The following PTPRE variants were observed in gnomAD, a reference collection of about 807,000 sequenced individuals.
The protein encoded by PTPRE is protein tyrosine phosphatase receptor type E.
In PTPRE, 51 loss-of-function variants were observed where a neutral mutation model predicts 102.0. The ratio of observed to expected loss-of-function variants is 0.50; its 90% confidence interval spans 0.40 to 0.63. PTPRE has a LOEUF of 0.63. Among genes scored for constraint, PTPRE ranks in the 30% least tolerant of loss-of-function variants. The probability of loss-of-function intolerance (pLI) is 0.00; values close to 1 mark genes in which losing one functional copy is unlikely to be tolerated. For synonymous variants in PTPRE, 345 were observed against 348.2 expected (o/e 0.99, Z 0.10); for missense variants, 752 against 915.1 (o/e 0.82, Z 2.30).
intron 2 of PTPRE, among the ~76,000 whole-genome samples, chr10:128,006,035 C>T (rs190328673): frequency 9.5e-4 from 144 of 152,280 alleles, no homozygotes; most frequent in African/African-American, 3.3e-3. Context: ...TAGGGTCCAC[C>T]CTAATCCATG....
At chr10:128,069,654 T>C in intron 12 of PTPRE, 38 bp from the exon 13 acceptor site, 5 of 1,610,824 alleles carry the variant, frequency 3.1e-6, no homozygotes, top group Non-Finnish European at 4.2e-6. Context: ...TCGGGAGGAG[T>C]GTGACTCACG....
intron 18 of PTPRE, 56 bp from the exon 19 acceptor site, chr10:128,077,561 C>T: frequency 1.3e-6 from 2 of 1,555,080 alleles, no homozygotes; most frequent in Non-Finnish European, 1.7e-6. Context: ...GCAGATGGGG[C>T]TGGGGCCTGT....
intron 1 of PTPRE, among the ~76,000 whole-genome samples, chr10:127,958,267 G>A (rs184979794): frequency 2.0e-5 from 3 of 152,252 alleles, no homozygotes; most frequent in Middle Eastern, 3.4e-3. Flanking sequence ...TCCTTGCCTC[G>A]TTCCTGATCT....
At chr10:128,035,741 C>CA (rs1847159947) in intron 2 of PTPRE, among the ~76,000 whole-genome samples, 1 of 152,226 alleles carries the variant, frequency 6.6e-6, no homozygotes, top group African/African-American at 2.4e-5. Flanking sequence ...CTGGAAAGGG[C>CA]ACTTTCGGGT....
intron 1 of PTPRE, among the ~76,000 whole-genome samples, chr10:127,942,295 A>G (rs557887581): frequency 1.7e-4 from 26 of 152,358 alleles, no homozygotes; most frequent in East Asian, 9.6e-4. Context: ...TGTTGAGGAA[A>G]GGTGATCAGA....
At chr10:127,914,762 GC>G (rs1463545777) in intron 1 of PTPRE, among the ~76,000 whole-genome samples, 1 of 152,206 alleles carries the variant, frequency 6.6e-6, no homozygotes, top group African/African-American at 2.4e-5. Flanking sequence ...CAGATGGTGA[GC>G]TTTTATCTTC....
chr10:127,963,546 T>C (rs542666644), intron 1 of PTPRE, among the ~76,000 whole-genome samples: 70 of 152,210 alleles, frequency 4.6e-4, no homozygotes, highest in Non-Finnish European at 8.2e-4. Context: ...CATAGGCGTC[T>C]TTACAGTGTG....
chr10:128,011,569 A>G (rs1258416703), intron 2 of PTPRE, among the ~76,000 whole-genome samples: 1 of 152,234 alleles, frequency 6.6e-6, no homozygotes, highest in Non-Finnish European at 1.5e-5. Context: ...CATGCGCGGA[A>G]GCGTCCCCGT....
In PTPRE at chr10:128,047,779, G is replaced by A; in HGVS notation, c.225G>A (p.Arg75=). The A allele has an allele frequency of 6.2e-7, 1 of 1,609,472 alleles. No homozygotes were observed. Among genetic ancestry groups the A allele is most frequent in the Non-Finnish European group, 8.5e-7 (1 of 1,176,036 alleles). The change falls in exon 5 of 21, where the codon AGG becomes AGA. Residue 75 remains arginine, a synonymous_variant. Coordinates refer to ENST00000254667, the MANE Select transcript of PTPRE (RefSeq NM_006504.6). ...TGTCTCTAAGGTTCAGGAAGCAGAG[G>A]AAAGCTGTGGTCAGCACCAGCGACA... is the stretch of plus-strand genomic sequence containing the variant. ...AAYFFRFRKQ[R]KAVVSTSDKK...
intron 1 of PTPRE, among the ~76,000 whole-genome samples, chr10:127,973,346 A>T (rs1410800148): frequency 6.6e-6 from 1 of 152,236 alleles, no homozygotes; most frequent in Non-Finnish European, 1.5e-5. Context: ...AAATAGAGAC[A>T]TGTAGCTTTT....
At chr10:127,980,005 G>C (rs145719658) in intron 1 of PTPRE, among the ~76,000 whole-genome samples, 1 of 152,118 alleles carries the variant, frequency 6.6e-6, no homozygotes, top group Non-Finnish European at 1.5e-5. Context: ...CAAACATCAC[G>C]AGTCACTCTT....
chr10:127,928,257 A>G (rs1279968150), intron 1 of PTPRE, among the ~76,000 whole-genome samples: 2 of 152,198 alleles, frequency 1.3e-5, no homozygotes, highest in African/African-American at 4.8e-5. Context: ...AATTTAACAC[A>G]GAAACGTTCT....
chr10:128,000,942 C>G (rs1455781592), intron 2 of PTPRE, among the ~76,000 whole-genome samples: 1 of 152,216 alleles, frequency 6.6e-6, no homozygotes, highest in Admixed American at 6.5e-5. Flanking sequence ...GGGCCGTGCT[C>G]TCTCCATTCA....
Position 127,972,099 on chromosome 10 carries a change from T to C in PTPRE, c.-30-10175T>C, listed in dbSNP as rs76589024. Among the ~76,000 whole-genome samples the C allele has an allele frequency of 1.2e-3, 190 of 152,266 alleles. 1 individual carries two copies. Among genetic ancestry groups the C allele is most frequent in the East Asian group, 4.5e-3 (23 of 5,168 alleles). On this transcript the variant is annotated intron_variant, in intron 1 of 20. Coordinates refer to ENST00000254667, the MANE Select transcript of PTPRE (RefSeq NM_006504.6). Reference sequence around the variant, plus strand: ...AGATGAACTGTGCACTTCGAAGCCATGATGCTGCCTGACCATGAGGGTAAC... The same window carrying C: ...AGATGAACTGTGCACTTCGAAGCCACGATGCTGCCTGACCATGAGGGTAAC...
chr10:127,935,198 C>A (rs770624556), intron 1 of PTPRE, among the ~76,000 whole-genome samples: 2 of 152,168 alleles, frequency 1.3e-5, no homozygotes, highest in African/African-American at 4.8e-5. Context: ...TTCCTTAGCC[C>A]GCTCTCTGCC....
chr10:128,071,040 C>A, intron 15 of PTPRE, 139 bp downstream of exon 15: 1 of 755,856 alleles, frequency 1.3e-6, no homozygotes, highest in South Asian at 1.8e-5. Context: ...AGGCTAAGGG[C>A]TCCTGTGTGC....
At chr10:128,050,527 G>C (rs547830620) in intron 6 of PTPRE, among the ~76,000 whole-genome samples, 3 of 152,228 alleles carry the variant, frequency 2.0e-5, no homozygotes, top group African/African-American at 7.2e-5. Flanking sequence ...ATATGAGGAA[G>C]TATTGTCTTG....
At chr10:128,030,293 C>G (rs189210679) in intron 2 of PTPRE, among the ~76,000 whole-genome samples, 1 of 152,194 alleles carries the variant, frequency 6.6e-6, no homozygotes, top group African/African-American at 2.4e-5. Context: ...ACAAGACTCA[C>G]TCATTTATGA....
chr10:127,947,521 T>A (rs927937054), intron 1 of PTPRE, among the ~76,000 whole-genome samples: 7 of 152,364 alleles, frequency 4.6e-5, no homozygotes, highest in African/African-American at 1.7e-4. Context: ...AATGCTTACA[T>A]CCTCTGATGC....
Sources: allele counts gnomAD v4.1 joint callset (sites outside exome capture counted in the v4.1 genomes callset), GRCh38; gene constraint gnomAD v4.1.1; transcripts MANE v1.5; gene names NCBI Gene and HGNC (gene_info 2026-07-23, HGNC 2026-07-21).